Variants in MYT1L observed in about 807,000 individuals in gnomAD.
The protein encoded by MYT1L is myelin transcription factor 1 like.
A neutral mutation model predicts 126.7 loss-of-function variants in MYT1L; 12 were observed. That is an observed-to-expected ratio of 0.09 (90% CI 0.06 to 0.15). The LOEUF is 0.15. Among genes scored for constraint, MYT1L ranks in the 10% least tolerant of loss-of-function variants. The pLI is 1.00. For synonymous variants in MYT1L, 541 were observed against 604.2 expected (o/e 0.90, Z 1.53); for missense variants, 979 against 1,585.2 (o/e 0.62, Z 6.49).
Position 2,167,963 on chromosome 2 carries a change from G to A in MYT1L, c.-304+4909C>T, listed in dbSNP as rs115041086. ...TGCATAGGTTGTGTGTATGGATGGG[G>A]CATTTCAAATAATTCACTTAACAAT... is the stretch of plus-strand genomic sequence containing the variant. On this transcript the variant is annotated intron_variant, in intron 3 of 24. Coordinates refer to ENST00000647738, the MANE Select transcript of MYT1L (RefSeq NM_001303052.2). 4.1e-3 allele frequency among the ~76,000 whole-genome samples: 624 copies of A among 152,232 alleles called. 4 individuals are homozygous for A. The highest frequency in any genetic ancestry group is 0.015 in the African/African-American group (603 of 41,514).
At chr2:1,925,619 C>T (rs564643428) in intron 9 of MYT1L, among the ~76,000 whole-genome samples, 13 of 152,230 alleles carry the variant, frequency 8.5e-5, no homozygotes, top group East Asian at 5.8e-4. Flanking sequence ...GCCATGCTGA[C>T]GGGTGAAGCT....
intron 4 of MYT1L, among the ~76,000 whole-genome samples, chr2:2,004,001 G>GAA (rs1558694202): frequency 7.3e-5 from 10 of 136,454 alleles, no homozygotes; most frequent in African/African-American, 2.6e-4. Context: ...GTTCTTTCCT[G>GAA]CATGCCTTCT....
At chr2:1,897,821 G>T (rs2049808413) in intron 14 of MYT1L, among the ~76,000 whole-genome samples, 1 of 152,136 alleles carries the variant, frequency 6.6e-6, no homozygotes, top group Non-Finnish European at 1.5e-5. Context: ...ATGTGTTAAT[G>T]TTCTTCCAGG....
At chr2:2,225,520 G>A (rs542107341) in intron 2 of MYT1L, among the ~76,000 whole-genome samples, 11 of 152,248 alleles carry the variant, frequency 7.2e-5, no homozygotes, top group Middle Eastern at 3.4e-3. Context: ...TCTAAAAACC[G>A]TGAGGCTGGT....
At chr2:2,025,601 A>T (rs2065462290) in intron 4 of MYT1L, among the ~76,000 whole-genome samples, 2 of 152,202 alleles carry the variant, frequency 1.3e-5, no homozygotes, top group African/African-American at 2.4e-5. Flanking sequence ...TCCTTTGAGA[A>T]AAGTAATCAG....
intron 2 of MYT1L, among the ~76,000 whole-genome samples, chr2:2,205,642 T>A (rs61329759): frequency 0.23 from 34,550 of 152,074 alleles, 4,836 homozygotes; most frequent in African/African-American, 0.41. Flanking sequence ...TTGAACAATG[T>A]CAAGAGCCAT....
At chr2:2,266,536 G>T (rs1180008405) in intron 2 of MYT1L, among the ~76,000 whole-genome samples, 3 of 152,214 alleles carry the variant, frequency 2.0e-5, no homozygotes, top group African/African-American at 7.2e-5. Flanking sequence ...GGCTCCATGT[G>T]CTACATTACC....
intron 14 of MYT1L, among the ~76,000 whole-genome samples, chr2:1,895,616 C>T (rs1490808836): frequency 6.6e-6 from 1 of 152,148 alleles, no homozygotes; most frequent in East Asian, 1.9e-4. Context: ...GGAAATGGTA[C>T]TGGGATAATG....
Position 1,929,557 on chromosome 2 carries a change from T to C in MYT1L, c.506-6294A>G, listed in dbSNP as rs1213635373. ...TCTAACTCAGCAGTGCTTCTGTGTG[T>C]CTTATTTCCAGTATCATAGGAAATT... On this transcript the variant is annotated intron_variant, in intron 9 of 24. Coordinates refer to ENST00000647738, the MANE Select transcript of MYT1L (RefSeq NM_001303052.2). The surrounding 1 kb of genome is among the most constrained non-coding windows in gnomAD (Gnocchi z 4.7). Among the ~76,000 whole-genome samples the C allele has an allele frequency of 2.0e-5, 3 of 152,226 alleles. No individual in the cohort carries two copies. Among genetic ancestry groups the C allele is most frequent in the Non-Finnish European group, 2.9e-5 (2 of 68,036 alleles).
chr2:2,272,022 C>T (rs948985201), intron 2 of MYT1L, among the ~76,000 whole-genome samples: 2 of 152,220 alleles, frequency 1.3e-5, no homozygotes, highest in Non-Finnish European at 2.9e-5. Flanking sequence ...GCTGCCTGAA[C>T]TCTGCATCCT....
At chr2:2,213,346 A>C (rs2093587844) in intron 2 of MYT1L, among the ~76,000 whole-genome samples, 1 of 152,174 alleles carries the variant, frequency 6.6e-6, no homozygotes, top group South Asian at 2.1e-4. Flanking sequence ...CAGGGAGACC[A>C]ATATAGCTAG....
At chr2:1,895,658 C>T (rs1314975927) in intron 14 of MYT1L, among the ~76,000 whole-genome samples, 1 of 152,150 alleles carries the variant, frequency 6.6e-6, no homozygotes, top group Non-Finnish European at 1.5e-5. Context: ...TGAAACTAGA[C>T]CCATACTTTT....
At chr2:1,970,157 A>C (rs2059698691) in intron 8 of MYT1L, among the ~76,000 whole-genome samples, 1 of 152,184 alleles carries the variant, frequency 6.6e-6, no homozygotes, top group South Asian at 2.1e-4. Context: ...GGGACAGAAG[A>C]AACATCCACT....
At chr2:2,188,973 T>C (rs1486647251) in intron 2 of MYT1L, among the ~76,000 whole-genome samples, 1 of 152,186 alleles carries the variant, frequency 6.6e-6, no homozygotes, top group Non-Finnish European at 1.5e-5. Flanking sequence ...GCGTGTTTAC[T>C]CTGCGAGACT....
At chr2:1,952,762 CTTCCCT>C (rs2057921631) in intron 8 of MYT1L, among the ~76,000 whole-genome samples, 1 of 61,974 alleles carries the variant, frequency 1.6e-5, no homozygotes, top group Non-Finnish European at 3.1e-5. Flanking sequence ...CCCTTCCCTC[CTTCCCT>C]CCCTTCCCTC....
At chr2:2,220,961 A>G (rs2093847341) in intron 2 of MYT1L, among the ~76,000 whole-genome samples, 1 of 152,200 alleles carries the variant, frequency 6.6e-6, no homozygotes, top group Non-Finnish European at 1.5e-5. Context: ...AAAGAAAAAG[A>G]AGTGAGTTTA....
chr2:2,109,701 G>A (rs978019757), intron 3 of MYT1L, among the ~76,000 whole-genome samples: 2 of 151,384 alleles, frequency 1.3e-5, no homozygotes, highest in Non-Finnish European at 2.9e-5. Flanking sequence ...ACAAGTATTT[G>A]GATATTATTA....
At chr2:2,120,290 G>A (rs973501854) in intron 3 of MYT1L, among the ~76,000 whole-genome samples, 17 of 152,106 alleles carry the variant, frequency 1.1e-4, no homozygotes, top group African/African-American at 3.9e-4. Flanking sequence ...TCACAAGCCA[G>A]CCATGTACAC....
intron 3 of MYT1L, among the ~76,000 whole-genome samples, chr2:2,160,726 G>C (rs2087733317): frequency 1.3e-5 from 2 of 152,138 alleles, no homozygotes; most frequent in African/African-American, 2.4e-5. Flanking sequence ...GAGGTCAGAG[G>C]AACATGTTAA....
Sources: gnomAD v4.1 joint callset for allele counts (sites outside exome capture counted in the v4.1 genomes callset) on GRCh38, gnomAD v4.1.1 for gene constraint, Gnocchi (gnomAD v3.1) non-coding constraint, MANE v1.5 for transcripts, NCBI Gene and HGNC (gene_info 2026-07-23, HGNC 2026-07-21) for gene names.